Variants in PTPRM observed in about 807,000 individuals in gnomAD.
PTPRM encodes receptor-type tyrosine-protein phosphatase mu.
In PTPRM, 47 loss-of-function variants were observed where a neutral mutation model predicts 186.7. That is an observed-to-expected ratio of 0.25 (90% CI 0.20 to 0.32). The LOEUF is 0.32. Ranked by LOEUF, PTPRM falls within the 10% of genes least tolerant of loss-of-function variation. PTPRM has a pLI of 1.00. For synonymous variants in PTPRM, 668 were observed against 674.9 expected, an observed-to-expected ratio of 0.99 and a Z score of 0.16; for missense variants, 1,494 against 1,865.0, an observed-to-expected ratio of 0.80 and a Z score of 3.66.
intron 3 of PTPRM, 28 bp downstream of exon 3, chr18:7,888,405 TTG>T (rs2048894338): frequency 1.9e-6 from 3 of 1,540,508 alleles, no homozygotes; most frequent in Non-Finnish European, 2.6e-6. Flanking sequence ...ATTACATATT[TTG>T]AAGCATCCTC....
At chr18:7,846,698 G>A (rs1268378254) in intron 2 of PTPRM, among the ~76,000 whole-genome samples, 1 of 152,146 alleles carries the variant, frequency 6.6e-6, no homozygotes, top group Non-Finnish European at 1.5e-5. Flanking sequence ...AGCCCTGGAG[G>A]GCACTCACTA....
intron 1 of PTPRM, among the ~76,000 whole-genome samples, chr18:7,609,062 A>T (rs2037607620): frequency 6.6e-6 from 1 of 152,122 alleles, no homozygotes; most frequent in African/African-American, 2.4e-5. Flanking sequence ...TCCCCAGGGT[A>T]TGTTTGTGCT....
chr18:8,378,986 T>C (rs1481084892), intron 27 of PTPRM, among the ~76,000 whole-genome samples, 181 bp from the exon 28 acceptor site: 1 of 151,826 alleles, frequency 6.6e-6, no homozygotes, highest in Non-Finnish European at 1.5e-5. Flanking sequence ...ATGGGCACTG[T>C]CAGTGGACGA....
intron 7 of PTPRM, among the ~76,000 whole-genome samples, chr18:7,963,886 G>C (rs977649625): frequency 6.6e-6 from 1 of 152,168 alleles, no homozygotes; most frequent in Non-Finnish European, 1.5e-5. Context: ...AGCTGTGAGC[G>C]TGGTCCTGCA....
intron 13 of PTPRM, among the ~76,000 whole-genome samples, chr18:8,131,492 A>G (rs750046890): frequency 5.3e-5 from 8 of 152,150 alleles, no homozygotes; most frequent in Non-Finnish European, 7.4e-5. Context: ...AACCTATTTT[A>G]TACTTCCCTG....
intron 10 of PTPRM, among the ~76,000 whole-genome samples, chr18:8,086,897 A>G (rs2090462598): frequency 6.6e-6 from 1 of 152,134 alleles, no homozygotes; most frequent in Admixed American, 6.6e-5. Flanking sequence ...AATACACTTG[A>G]TATTCTGTGT....
At position 8,069,733 on chromosome 18, in the gene PTPRM, C is replaced by A. The variant is rs770908081; in HGVS notation, c.1180C>A (p.Arg394=). ...RKLEVVEVKS[R]QITIRWEPFG... is the part of the protein sequence containing the mutation. Reference sequence around the variant, plus strand: ...ACTAGAAGTAGTGGAGGTCAAATCTCGGCAAATCACTATCCGCTGGGAGCC... The same window carrying A: ...ACTAGAAGTAGTGGAGGTCAAATCTAGGCAAATCACTATCCGCTGGGAGCC... The change falls in exon 8 of 33, where the codon CGG becomes AGG. Residue 394 remains arginine, a synonymous_variant. Coordinates refer to ENST00000580170, the MANE Select transcript of PTPRM (RefSeq NM_001105244.2). The A allele has an allele frequency of 6.2e-7, 1 of 1,613,790 alleles. No homozygotes were observed. Among genetic ancestry groups the A allele is most frequent in the Admixed American group, 1.7e-5 (1 of 59,996 alleles).
rs545717797 is a variant in PTPRM, at chr18:8,210,656, G to A, written c.2301-33402G>A. 7.2e-5 allele frequency among the ~76,000 whole-genome samples: 11 copies of A among 152,318 alleles called. No homozygotes were observed. In the South Asian group the frequency reaches 2.3e-3, roughly 32 times the overall value. On this transcript the variant is annotated intron_variant, in intron 14 of 32. Coordinates refer to ENST00000580170, the MANE Select transcript of PTPRM (RefSeq NM_001105244.2). The stretch of plus-strand genomic sequence containing the variant: ...GAAAGCCGAGGTCATGGGTGGATAT[G>A]AAACTGTAGAGTTCAAAGGAGAGAT...
intron 23 of PTPRM, among the ~76,000 whole-genome samples, chr18:8,350,274 T>A (rs534680952): frequency 1.3e-5 from 2 of 152,354 alleles, no homozygotes; most frequent in East Asian, 3.9e-4. Flanking sequence ...AATGCCATTT[T>A]CTTTTCATGG....
intron 22 of PTPRM, among the ~76,000 whole-genome samples, chr18:8,334,646 T>C (rs1184167785): frequency 6.6e-6 from 1 of 152,240 alleles, no homozygotes; most frequent in Non-Finnish European, 1.5e-5. Flanking sequence ...TAAAATATGT[T>C]TAAACTTTGC....
At chr18:8,135,455 A>G (rs2092616302) in intron 13 of PTPRM, among the ~76,000 whole-genome samples, 1 of 151,852 alleles carries the variant, frequency 6.6e-6, no homozygotes, top group South Asian at 2.1e-4. Context: ...AAAGTGTTAC[A>G]TAGATTCCTG....
At chr18:7,826,664 C>T (rs2045499685) in intron 2 of PTPRM, among the ~76,000 whole-genome samples, 1 of 152,206 alleles carries the variant, frequency 6.6e-6, no homozygotes, top group South Asian at 2.1e-4. Context: ...ACCATTTGTT[C>T]ATCATGGAAA....
intron 7 of PTPRM, among the ~76,000 whole-genome samples, 193 bp from the exon 8 acceptor site, chr18:8,069,493 G>T (rs2089323552): frequency 6.6e-6 from 1 of 152,224 alleles, no homozygotes; most frequent in African/African-American, 2.4e-5. Context: ...ACATCCATCT[G>T]CAGAAAATAA....
rs760798931 is a variant in PTPRM at position 7,888,226 on chromosome 18, A to G, written c.317A>G (p.Lys106Arg). ...GATTTTCACTATTTTGTGTCCAGCAAGAGTAATTCTCCTCCGGGGTTACTC... is the reference window on the plus strand; with the variant it reads ...GATTTTCACTATTTTGTGTCCAGCAGGAGTAATTCTCCTCCGGGGTTACTC... ...CIDFHYFVSS[K>R]SNSPPGLLNV... Residue 106 changes from lysine (K) to arginine (R), a missense_variant, in exon 3 of 33, where the codon AAG becomes AGG. Transcript: ENST00000580170. The G allele has an allele frequency of 1.6e-5, 26 of 1,614,040 alleles. No homozygotes were observed. Among genetic ancestry groups the G allele is most frequent in the Non-Finnish European group, 2.2e-5 (26 of 1,180,036 alleles).
intron 2 of PTPRM, among the ~76,000 whole-genome samples, chr18:7,799,293 T>A (rs950719934): frequency 2.0e-5 from 3 of 152,162 alleles, no homozygotes; most frequent in African/African-American, 7.2e-5. Context: ...ATCCTCTCCA[T>A]GAGGACAGAG....
intron 2 of PTPRM, among the ~76,000 whole-genome samples, chr18:7,796,280 A>G (rs2043642146): frequency 6.6e-6 from 1 of 152,104 alleles, no homozygotes; most frequent in Non-Finnish European, 1.5e-5. Context: ...TTATGCTCAC[A>G]CAAGTCACAG....
At chr18:7,707,994 AC>A (rs1323556639) in intron 1 of PTPRM, among the ~76,000 whole-genome samples, 4 of 152,254 alleles carry the variant, frequency 2.6e-5, no homozygotes, top group African/African-American at 9.6e-5. Flanking sequence ...ATCCAGAATT[AC>A]TTTAGCACTA....
At chr18:8,064,244 G>C (rs1203805465) in intron 7 of PTPRM, among the ~76,000 whole-genome samples, 1 of 152,122 alleles carries the variant, frequency 6.6e-6, no homozygotes, top group Non-Finnish European at 1.5e-5. Context: ...AATTTAAGCG[G>C]AGTTCAAACC....
At chr18:7,888,496 A>G in intron 3 of PTPRM, 119 bp downstream of exon 3, 4 of 1,181,066 alleles carry the variant, frequency 3.4e-6, no homozygotes, top group Non-Finnish European at 4.6e-6. Context: ...AAGGTTGTGG[A>G]GAAAGGGGAA....
Sources: allele counts gnomAD v4.1 joint callset (sites outside exome capture counted in the v4.1 genomes callset), GRCh38; gene constraint gnomAD v4.1.1; transcripts MANE v1.5; gene names NCBI Gene and HGNC (gene_info 2026-07-23, HGNC 2026-07-21).